ASL: variants seen among roughly 807,000 people sequenced by gnomAD.
The protein encoded by ASL is argininosuccinase.
ASL carries 51 observed loss-of-function variants against 69.1 expected under a neutral mutation model. The observed-to-expected ratio is 0.74, with a 90% CI of 0.59 to 0.93. The LOEUF (loss-of-function observed/expected upper bound fraction) is 0.93, where lower values mean the gene tolerates loss of function less well. ASL is among the 40% of genes least tolerant of loss of function. The probability of loss-of-function intolerance (pLI) is 0.00; values close to 1 mark genes in which losing one functional copy is unlikely to be tolerated. For synonymous variants in ASL, 241 were observed against 247.6 expected, an observed-to-expected ratio of 0.97 and a Z score of 0.25; for missense variants, 540 against 623.9, an observed-to-expected ratio of 0.87 and a Z score of 1.43.
Position 66,087,786 on chromosome 7 carries a change from T to A in ASL, c.713T>A (p.Phe238Tyr), listed in dbSNP as rs754283030. 6 of 1,613,952 alleles carry A rather than the reference T, an allele frequency of 3.7e-6. No individual in the cohort carries two copies. The Admixed American group carries it at 1.0e-4, about 27-fold the overall frequency. ...ATGGATGCCACTAGTGAGCGGGACT[T>A]TGTGGGTGAGTCCTGGGGAGCCAGT... ...NSMDATSERD[F>Y]VAEFLFWASL... The change falls in exon 10 of 17, where the codon TTT (phenylalanine) becomes TAT (tyrosine). Residue 238 changes from phenylalanine (F) to tyrosine (Y), a missense_variant. Physicochemically the swap from Phe to Tyr is conservative, Grantham distance 22. Coordinates refer to ENST00000304874, the MANE Select transcript of ASL (RefSeq NM_000048.4).
At chr7:66,081,082 G>C (rs1050241525) in intron 2 of ASL, among the ~76,000 whole-genome samples, 5 of 152,228 alleles carry the variant, frequency 3.3e-5, no homozygotes, top group Admixed American at 1.3e-4. Context: ...CCCCAGGTGA[G>C]AGCAGGCTGC....
In ASL at chr7:66,092,076, T is replaced by C. The variant is rs758058521; in HGVS notation, c.1133T>C (p.Val378Ala). The stretch of plus-strand genomic sequence containing the variant: ...GCCACTGACCTTGCCTATTACCTGG[T>C]CCGCAAAGGGGTAAGTGTGTAGCAG... ...MLATDLAYYL[V>A]RKGMPFRQAH... Residue 378 changes from valine (V) to alanine (A), a missense_variant, in exon 15 of 17, where the codon GTC becomes GCC. By Grantham distance (64) the Val-to-Ala change is moderately conservative. Transcript: ENST00000304874. 6.2e-7 allele frequency: 1 copy of C among 1,612,256 alleles called. No homozygotes were observed. Among genetic ancestry groups the C allele is most frequent in the South Asian group, 1.1e-5 (1 of 91,074 alleles).
intron 4 of ASL, 81 bp from the exon 5 acceptor site, chr7:66,082,799 G>A: frequency 1.3e-6 from 2 of 1,568,420 alleles, no homozygotes; most frequent in South Asian, 2.3e-5. Context: ...AGGTTGGCAG[G>A]GCTGATGAGG....
At chr7:66,087,242 TCG>T (rs1491326862) in intron 8 of ASL, 90 bp from the exon 9 acceptor site, 3 of 1,194,850 alleles carry the variant, frequency 2.5e-6, no homozygotes, top group South Asian at 1.3e-5. Context: ...GTGTGTGCGT[TCG>T]TGTGTGTGTG....
At position 66,092,533 on chromosome 7, in the gene ASL, G is replaced by A. The variant is rs200387390; in HGVS notation, c.1144-24G>A. 1.2e-4 allele frequency: 192 copies of A among 1,597,594 alleles called. 1 individual carries two copies. The East Asian group carries it at 2.9e-3, about 24-fold the overall frequency. ...AGGGCATGGAGAAACCTGCCTCAGC[G>A]CCATCTTCCTCCCTGGCACCCAGAT... On this transcript the variant is annotated intron_variant, in intron 15 of 16. Transcript: ENST00000304874.
intron 2 of ASL, among the ~76,000 whole-genome samples, chr7:66,079,294 A>G (rs1786436788): frequency 6.6e-6 from 1 of 152,058 alleles, no homozygotes; most frequent in African/African-American, 2.4e-5. Context: ...AGGAGGATAT[A>G]TGTCCCCATT....
intron 2 of ASL, 112 bp from the exon 3 acceptor site, chr7:66,081,691 G>T: frequency 7.7e-7 from 1 of 1,292,538 alleles, no homozygotes; most frequent in Non-Finnish European, 1.1e-6. Flanking sequence ...CAGTTAGAAT[G>T]ATCTGATGCC....
In ASL at chr7:66,093,074, T is replaced by C; in HGVS notation, c.*162T>C. 8.2e-7 allele frequency: 1 copy of C among 1,215,034 alleles called. No individual in the cohort carries two copies. Among genetic ancestry groups the C allele is most frequent in the South Asian group, 1.4e-5 (1 of 72,272 alleles). The allele number at this position is 1,215,034 out of a possible 1,614,324, so 75.3% of individuals were successfully genotyped here. On this transcript the variant is annotated 3_prime_UTR_variant, in exon 17 of 17. Coordinates refer to ENST00000304874, the MANE Select transcript of ASL (RefSeq NM_000048.4). ...AGGGTGGCCTGTAATCCCAGCACTT[T>C]GGAAGGGCAAGGTGCGAGGATGCTT... is the stretch of plus-strand genomic sequence containing the variant.
rs541434058 is a variant in ASL, at chr7:66,087,272, G to A, written c.603-62G>A. On this transcript the variant is annotated intron_variant, in intron 8 of 16. Transcript: ENST00000304874. ...TGTGTGTGTGTGTGTGTGTGTGTGT[G>A]TGTGTGTGTGTCAGGGCTGCCTGCC... The A allele has an allele frequency of 6.3e-6, 9 of 1,423,184 alleles. No homozygotes were observed. The East Asian group carries it at 1.4e-4, about 22-fold the overall frequency. The allele number at this position is 1,423,184 out of a possible 1,614,324, so 88.2% of individuals were successfully genotyped here.
At position 66,089,054 on chromosome 7, in the gene ASL, G is replaced by A. The variant is rs755700770; in HGVS notation, c.834-37G>A. 5.0e-6 allele frequency: 8 copies of A among 1,613,248 alleles called. No individual in the cohort carries two copies. In the African/African-American group the frequency reaches 8.0e-5, roughly 16 times the overall value. ...CCATTGCGGCGCTGGACCAGCCAAG[G>A]GTCCAGCCCCTTCAGCGCCAGCACC... On this transcript the variant is annotated intron_variant, in intron 11 of 16. Coordinates refer to ENST00000304874, the MANE Select transcript of ASL (RefSeq NM_000048.4).
At chr7:66,082,840 G>A (rs1178046056) in intron 4 of ASL, 40 bp from the exon 5 acceptor site, 2 of 1,612,286 alleles carry the variant, frequency 1.2e-6, no homozygotes, top group Admixed American at 1.7e-5. Flanking sequence ...GACTCCTCTG[G>A]GGGTATAGAC....
At position 66,093,033 on chromosome 7, in the gene ASL, AC is replaced by A; in HGVS notation, c.*122del. On this transcript the variant is annotated 3_prime_UTR_variant, in exon 17 of 17. Transcript: ENST00000304874. ...GGCTGGCCAGTGGGGACAGTCAGGG[AC>A]TGGAGAGGCAGGGCAGGGTGGCCTG... The A allele has an allele frequency of 6.7e-7, 1 of 1,484,086 alleles. No individual in the cohort carries two copies. Among genetic ancestry groups the A allele is most frequent in the Non-Finnish European group, 9.1e-7 (1 of 1,103,546 alleles). The allele number at this position is 1,484,086 out of a possible 1,614,324, so 91.9% of individuals were successfully genotyped here.
chr7:66,082,862 G>A lies in ASL; in HGVS notation c.292-18G>A. On this transcript the variant is annotated intron_variant, in intron 4 of 16. Coordinates refer to ENST00000304874, the MANE Select transcript of ASL (RefSeq NM_000048.4). ...CTGGGGGTATAGACCGTGACCCTGGGTCTCCCTTCACCTCCAGGAGCTCAT... is the reference window on the plus strand; with the variant it reads ...CTGGGGGTATAGACCGTGACCCTGGATCTCCCTTCACCTCCAGGAGCTCAT... 6.2e-7 allele frequency: 1 copy of A among 1,613,482 alleles called. No homozygotes were observed. The highest frequency in any genetic ancestry group is 1.7e-4 in the Middle Eastern group (1 of 5,914).
At position 66,081,942 on chromosome 7, in the gene ASL, A is replaced by G; in HGVS notation, c.152A>G (p.Lys51Arg). The change falls in exon 3 of 17, where the codon AAG becomes AGG. Residue 51 changes from lysine to arginine, a missense_variant. Coordinates refer to ENST00000304874, the MANE Select transcript of ASL (RefSeq NM_000048.4). ...AAAGCCTACAGCAGGGGCCTGGAGAAGGCAGGGCTCCTCACCAAGGCCGAG... is the reference window on the plus strand; with the variant it reads ...AAAGCCTACAGCAGGGGCCTGGAGAGGGCAGGGCTCCTCACCAAGGCCGAG... ...GSKAYSRGLE[K>R]AGLLTKAEMD... The G allele has an allele frequency of 6.2e-7, 1 of 1,613,744 alleles. No homozygotes were observed. Among genetic ancestry groups the G allele is most frequent in the Non-Finnish European group, 8.5e-7 (1 of 1,179,940 alleles).
intron 14 of ASL, 121 bp from the exon 15 acceptor site, chr7:66,091,885 G>T: frequency 1.1e-6 from 1 of 936,828 alleles, no homozygotes; most frequent in Non-Finnish European, 1.7e-6. Context: ...AGACAGAGCC[G>T]AGTGGGTAAG....
At chr7:66,087,618 C>A in intron 9 of ASL, 111 bp from the exon 10 acceptor site, 1 of 1,130,664 alleles carries the variant, frequency 8.8e-7, no homozygotes, top group Non-Finnish European at 1.3e-6. Context: ...AGATCCCTCC[C>A]CCCAGCTGTT....
chr7:66,091,001 G>A (rs1786825039), intron 14 of ASL, among the ~76,000 whole-genome samples: 1 of 151,672 alleles, frequency 6.6e-6, no homozygotes, highest in Admixed American at 6.6e-5. Context: ...AGGAGGCTGA[G>A]GCAGGAGAAT....
intron 2 of ASL, among the ~76,000 whole-genome samples, chr7:66,077,377 T>C (rs559249412): frequency 6.6e-6 from 1 of 151,904 alleles, no homozygotes; most frequent in South Asian, 2.1e-4. Context: ...GTGAGCATGA[T>C]CTCACCACTG....
chr7:66,087,485 C>T, intron 9 of ASL, 99 bp downstream of exon 9: 2 of 1,420,614 alleles, frequency 1.4e-6, no homozygotes, highest in Non-Finnish European at 1.9e-6. Context: ...CCTGTGGCTC[C>T]TGGTGAAACC....
Sources: gnomAD v4.1 joint callset for allele counts (sites outside exome capture counted in the v4.1 genomes callset) on GRCh38, gnomAD v4.1.1 for gene constraint, MANE v1.5 for transcripts, NCBI Gene and HGNC (gene_info 2026-07-23, HGNC 2026-07-21) for gene names.